Variants in DCC observed in about 807,000 individuals in gnomAD.
DCC encodes the protein DCC netrin 1 receptor.
A neutral mutation model predicts 172.5 loss-of-function variants in DCC; 58 were observed. That is an observed-to-expected ratio of 0.34 (90% confidence interval 0.27 to 0.42). The LOEUF (loss-of-function observed/expected upper bound fraction) is 0.42. Ranked by LOEUF, DCC falls within the 10% of genes least tolerant of loss-of-function variation. The pLI, the probability that DCC is intolerant of heterozygous loss-of-function variation, is 1.00. For missense variants in DCC, 1,740 were observed against 1,791.0 expected (o/e 0.97, Z 0.51); for synonymous variants, 709 against 644.5 (o/e 1.10, Z -1.52).
intron 12 of DCC, among the ~76,000 whole-genome samples, chr18:53,286,917 A>G (rs9953546): frequency 0.13 from 20,425 of 152,162 alleles, 1,750 homozygotes; most frequent in African/African-American, 0.23. Flanking sequence ...GACTGGCAAT[A>G]TACTGAGAAT....
chr18:53,230,827 T>A (rs573165304), intron 12 of DCC, among the ~76,000 whole-genome samples: 1 of 152,056 alleles, frequency 6.6e-6, no homozygotes, highest in Admixed American at 6.6e-5. Flanking sequence ...ACCTGTATGA[T>A]TGATTTTTCT....
chr18:53,150,559 G>T (rs1404160101), intron 7 of DCC, among the ~76,000 whole-genome samples: 1 of 152,184 alleles, frequency 6.6e-6, no homozygotes, highest in African/African-American at 2.4e-5. Context: ...GATTGTTGGA[G>T]TCCAGGGAAG....
intron 12 of DCC, among the ~76,000 whole-genome samples, chr18:53,241,688 T>C (rs1055145213): frequency 6.6e-6 from 1 of 152,132 alleles, no homozygotes; most frequent in Admixed American, 6.5e-5. Flanking sequence ...GAAATACAGA[T>C]GTGCATAAGA....
At chr18:52,778,253 G>A (rs2037469426) in intron 2 of DCC, among the ~76,000 whole-genome samples, 1 of 152,120 alleles carries the variant, frequency 6.6e-6, no homozygotes, top group Non-Finnish European at 1.5e-5. Context: ...ATTTCCTTTG[G>A]TGTTTTAAAT....
At chr18:53,527,271 T>C (rs1480242935) in intron 28 of DCC, among the ~76,000 whole-genome samples, 1 of 151,758 alleles carries the variant, frequency 6.6e-6, no homozygotes, top group Non-Finnish European at 1.5e-5. Context: ...GTAGTGGCTA[T>C]TCACAGGCAC....
At chr18:53,500,732 A>G (rs1037388089) in intron 27 of DCC, among the ~76,000 whole-genome samples, 1 of 151,822 alleles carries the variant, frequency 6.6e-6, no homozygotes, top group Admixed American at 6.6e-5. Context: ...GTAGGATTCC[A>G]TTGGTTGGGA....
At chr18:52,942,979 G>C (rs998406055) in intron 5 of DCC, among the ~76,000 whole-genome samples, 3 of 152,080 alleles carry the variant, frequency 2.0e-5, no homozygotes, top group Non-Finnish European at 4.4e-5. Context: ...TTAATTTAAT[G>C]GTAGATATAA....
rs545684398 is a variant in DCC, at chr18:52,776,616, G to A, written c.412+24242G>A. On this transcript the variant is annotated intron_variant, in intron 2 of 28. Coordinates refer to ENST00000442544, the MANE Select transcript of DCC (RefSeq NM_005215.4). ...AAGGGTCTACCAAGTGCTGAGCCAG[G>A]TTGCAGGAGGTGGGGATGGGCGGGG... Among the ~76,000 whole-genome samples, 7 of 152,244 alleles carry A rather than the reference G, an allele frequency of 4.6e-5. No homozygotes were observed. The South Asian group carries it at 1.5e-3, about 32-fold the overall frequency.
intron 22 of DCC, among the ~76,000 whole-genome samples, chr18:53,443,837 A>C (rs1599157368): frequency 6.6e-6 from 1 of 152,250 alleles, no homozygotes; most frequent in African/African-American, 2.4e-5. Flanking sequence ...TCACGACTTC[A>C]GTGGAGGAAG....
intron 1 of DCC, among the ~76,000 whole-genome samples, chr18:52,444,395 T>C (rs1988060411): frequency 6.6e-6 from 1 of 152,060 alleles, no homozygotes; most frequent in Non-Finnish European, 1.5e-5. Flanking sequence ...GCTGAATTTA[T>C]TTTTTTTAGC....
At chr18:53,164,782 G>C (rs913018625) in intron 8 of DCC, among the ~76,000 whole-genome samples, 1 of 152,100 alleles carries the variant, frequency 6.6e-6, no homozygotes, top group African/African-American at 2.4e-5. Flanking sequence ...TGAAATACAA[G>C]GGTGTTTCTT....
chr18:52,676,788 C>T (rs1234818658), intron 1 of DCC, among the ~76,000 whole-genome samples: 1 of 152,100 alleles, frequency 6.6e-6, no homozygotes, highest in Admixed American at 6.6e-5. Context: ...GCCAGTGGAC[C>T]TTAATTCACA....
intron 1 of DCC, among the ~76,000 whole-genome samples, chr18:52,489,845 C>T (rs1235353804): frequency 6.6e-6 from 1 of 152,088 alleles, no homozygotes; most frequent in Non-Finnish European, 1.5e-5. Flanking sequence ...CCACTCATCA[C>T]CCTGATCTGA....
At chr18:52,495,306 G>A (rs550090941) in intron 1 of DCC, among the ~76,000 whole-genome samples, 5 of 152,098 alleles carry the variant, frequency 3.3e-5, no homozygotes, top group South Asian at 2.1e-4. Context: ...TCAAGTCTTC[G>A]TTTTTGTCTC....
At chr18:52,782,786 A>G (rs546838439) in intron 2 of DCC, among the ~76,000 whole-genome samples, 150 of 152,172 alleles carry the variant, frequency 9.9e-4, no homozygotes, top group Non-Finnish European at 1.6e-3. Context: ...CATATCCCCA[A>G]TAATCTGTTA....
intron 3 of DCC, among the ~76,000 whole-genome samples, chr18:52,915,934 G>T (rs938327874): frequency 6.6e-6 from 1 of 151,914 alleles, no homozygotes; most frequent in Non-Finnish European, 1.5e-5. Flanking sequence ...TAGAACTTTG[G>T]AATTTCTTGA....
intron 2 of DCC, among the ~76,000 whole-genome samples, chr18:52,825,675 T>G (rs748036666): frequency 1.4e-4 from 18 of 131,558 alleles, no homozygotes; most frequent in Admixed American, 1.4e-3. Flanking sequence ...TGATCATAAT[T>G]GTTTTGGTTT....
intron 12 of DCC, among the ~76,000 whole-genome samples, chr18:53,226,979 T>C (rs2144606276): frequency 7.4e-6 from 1 of 135,264 alleles, no homozygotes; most frequent in African/African-American, 2.9e-5. Flanking sequence ...AGGCAGAGTC[T>C]CGCTCTGTCA....
At chr18:52,837,138 AGGAG>A (rs1385501857) in intron 2 of DCC, among the ~76,000 whole-genome samples, 1 of 152,206 alleles carries the variant, frequency 6.6e-6, no homozygotes, top group African/African-American at 2.4e-5. Context: ...TGCACACAGC[AGGAG>A]GGGCTCTGGG....
Sources: allele counts gnomAD v4.1 joint callset (sites outside exome capture counted in the v4.1 genomes callset), GRCh38; gene constraint gnomAD v4.1.1; transcripts MANE v1.5; gene names NCBI Gene and HGNC (gene_info 2026-07-23, HGNC 2026-07-21).